Variants in RPS6KA2 observed in about 807,000 individuals in gnomAD.
RPS6KA2 encodes the protein ribosomal protein S6 kinase A2, also known as ribosomal protein S6 kinase alpha-2.
In RPS6KA2, 42 loss-of-function variants were observed where a neutral mutation model predicts 91.8. That is an observed-to-expected ratio of 0.46 (90% confidence interval 0.36 to 0.59). The LOEUF is 0.59. Ranked by LOEUF, RPS6KA2 falls within the 20% of genes least tolerant of loss-of-function variation. RPS6KA2 has a pLI of 0.00. For missense variants in RPS6KA2, 798 were observed against 978.5 expected (o/e 0.82, Z 2.46); for synonymous variants, 414 against 393.6 (o/e 1.05, Z -0.61).
intron 1 of RPS6KA2, among the ~76,000 whole-genome samples, chr6:166,571,030 G>A (rs1184741170): frequency 1.3e-5 from 2 of 152,220 alleles, no homozygotes; most frequent in African/African-American, 4.8e-5. Flanking sequence ...AGGCGTGAGA[G>A]AGAAGTCGCA....
intron 19 of RPS6KA2, among the ~76,000 whole-genome samples, chr6:166,416,012 C>T (rs1393183237): frequency 1.3e-5 from 2 of 150,510 alleles, no homozygotes; most frequent in Non-Finnish European, 3.0e-5. Context: ...CCATCACCCC[C>T]ACCATTACGC....
intron 2 of RPS6KA2, among the ~76,000 whole-genome samples, chr6:166,769,807 G>A (rs1389206677): frequency 1.3e-5 from 2 of 152,328 alleles, no homozygotes; most frequent in South Asian, 2.1e-4. Flanking sequence ...AGGCCCCAGC[G>A]ACGGGGCTGA....
chr6:166,708,667 A>T (rs1020551474), intron 2 of RPS6KA2, among the ~76,000 whole-genome samples: 3 of 152,256 alleles, frequency 2.0e-5, no homozygotes, highest in African/African-American at 7.2e-5. Context: ...TCTCGTCACC[A>T]GGCAGTGCAC....
intron 3 of RPS6KA2, among the ~76,000 whole-genome samples, chr6:166,529,045 A>G (rs1783164113): frequency 6.6e-6 from 1 of 152,206 alleles, no homozygotes; most frequent in Non-Finnish European, 1.5e-5. Flanking sequence ...TAGAAATACC[A>G]TTTGACCCAG....
rs1788190002 is a variant in RPS6KA2, at chr6:166,662,501, T to C, written c.124-123717A>G. ...CCTATGTTACAGGAGTGCAGTTTTA[T>C]GTTTGGAAAGAGTCTCTTAGCATTA... On this transcript the variant is annotated intron_variant, in intron 2 of 21. Transcript: ENST00000503859. This position sits in a 1 kb window ranked among gnomAD's most constrained non-coding sequence, Gnocchi z 4.3. 6.6e-6 allele frequency among the ~76,000 whole-genome samples: 1 copy of C among 152,216 alleles called. No homozygotes were observed. The highest frequency in any genetic ancestry group is 6.5e-5 in the Admixed American group (1 of 15,284).
chr6:166,754,686 G>A (rs2128600346), intron 2 of RPS6KA2, among the ~76,000 whole-genome samples: 1 of 152,300 alleles, frequency 6.6e-6, no homozygotes, highest in East Asian at 1.9e-4. Context: ...AGCCTCTCCA[G>A]GGCCAGCAAG....
intron 2 of RPS6KA2, among the ~76,000 whole-genome samples, chr6:166,833,175 G>T (rs1780229579): frequency 6.6e-6 from 1 of 152,192 alleles, no homozygotes; most frequent in African/African-American, 2.4e-5. Flanking sequence ...AACAAGCTTA[G>T]AAAAGGCCAA....
intron 1 of RPS6KA2, among the ~76,000 whole-genome samples, chr6:166,613,085 G>A (rs969194225): frequency 2.0e-5 from 3 of 152,318 alleles, no homozygotes; most frequent in South Asian, 4.1e-4. Context: ...TTAAAAGCAC[G>A]TGTCTGAATT....
At chr6:166,686,524 C>T (rs1789021789) in intron 2 of RPS6KA2, among the ~76,000 whole-genome samples, 1 of 152,216 alleles carries the variant, frequency 6.6e-6, no homozygotes, top group African/African-American at 2.4e-5. Flanking sequence ...GGCCATGTGG[C>T]TTCTGCTGAC....
intron 1 of RPS6KA2, among the ~76,000 whole-genome samples, chr6:166,861,050 T>C (rs1781035219): frequency 6.6e-6 from 1 of 152,258 alleles, no homozygotes; most frequent in Non-Finnish European, 1.5e-5. Flanking sequence ...CAGTCTCTGC[T>C]AAACATCAAT....
chr6:166,771,559 C>T (rs1025663176), intron 2 of RPS6KA2, among the ~76,000 whole-genome samples: 8 of 152,176 alleles, frequency 5.3e-5, no homozygotes, highest in African/African-American at 1.7e-4. Context: ...TACTGCGGCA[C>T]GTTCAGTGAT....
chr6:166,640,902 G>A (rs764655124), intron 2 of RPS6KA2, among the ~76,000 whole-genome samples: 2 of 152,162 alleles, frequency 1.3e-5, no homozygotes, highest in Non-Finnish European at 2.9e-5. Flanking sequence ...AAGGAGGCTT[G>A]CATCTTCAGG....
intron 1 of RPS6KA2, among the ~76,000 whole-genome samples, chr6:166,551,948 G>A (rs3799630): frequency 0.27 from 41,136 of 152,210 alleles, 5,629 homozygotes; most frequent in Middle Eastern, 0.3. Context: ...ACAAACTGAA[G>A]TCGTTGACAC....
At chr6:166,771,794 G>A (rs1307754657) in intron 2 of RPS6KA2, among the ~76,000 whole-genome samples, 1 of 152,228 alleles carries the variant, frequency 6.6e-6, no homozygotes, top group East Asian at 1.9e-4. Flanking sequence ...AACAGGAGAT[G>A]CCAGCGGCCT....
At chr6:166,426,088 T>A (rs1778906808) in intron 16 of RPS6KA2, among the ~76,000 whole-genome samples, 1 of 151,830 alleles carries the variant, frequency 6.6e-6, no homozygotes, top group Non-Finnish European at 1.5e-5. Context: ...AGAAGAGAAA[T>A]TATAACAAAC....
intron 2 of RPS6KA2, among the ~76,000 whole-genome samples, chr6:166,709,043 T>A (rs1436229519): frequency 6.6e-6 from 1 of 152,208 alleles, no homozygotes. Context: ...GCTGTGAGCC[T>A]GCAGTGGGGT....
chr6:166,492,658 T>C (rs186791057), intron 8 of RPS6KA2, among the ~76,000 whole-genome samples: 160 of 152,358 alleles, frequency 1.1e-3, no homozygotes, highest in Non-Finnish European at 1.7e-3. Context: ...CCGGATATCA[T>C]TTATTTTTTG....
chr6:166,786,826 T>C (rs555062923), intron 2 of RPS6KA2, among the ~76,000 whole-genome samples: 1 of 152,326 alleles, frequency 6.6e-6, no homozygotes, highest in Non-Finnish European at 1.5e-5. Context: ...TTTGGTTACT[T>C]TCATCAGTAG....
intron 13 of RPS6KA2, among the ~76,000 whole-genome samples, chr6:166,449,609 C>T (rs1446363493): frequency 6.6e-6 from 1 of 152,120 alleles, no homozygotes; most frequent in Admixed American, 6.5e-5. Context: ...TAAACTGCTA[C>T]CCTAGGGTCC....
Sources: allele counts gnomAD v4.1 joint callset (sites outside exome capture counted in the v4.1 genomes callset), GRCh38; gene constraint gnomAD v4.1.1; non-coding constraint Gnocchi (gnomAD v3.1); transcripts MANE v1.5; gene names NCBI Gene and HGNC (gene_info 2026-07-23, HGNC 2026-07-21).